TMEM181: variants seen among roughly 807,000 people sequenced by gnomAD.
TMEM181 encodes transmembrane protein 181.
TMEM181 carries 39 observed loss-of-function variants against 71.9 expected under a neutral mutation model. That is an observed-to-expected ratio of 0.54 (90% CI 0.42 to 0.71). The LOEUF (loss-of-function observed/expected upper bound fraction) is 0.71, where lower values mean the gene tolerates loss of function less well. Among genes scored for constraint, TMEM181 ranks in the 30% least tolerant of loss-of-function variants. The pLI is 0.00. For missense variants in TMEM181, 595 were observed against 583.0 expected (o/e 1.02, Z -0.21); for synonymous variants, 245 against 228.8 (o/e 1.07, Z -0.64).
chr6:158,547,747 C>T (rs1044493201), intron 1 of TMEM181, among the ~76,000 whole-genome samples: 3 of 152,018 alleles, frequency 2.0e-5, no homozygotes, highest in East Asian at 1.9e-4. Flanking sequence ...ATCCACCTCC[C>T]GTCTCCCACC....
intron 10 of TMEM181, among the ~76,000 whole-genome samples, chr6:158,613,785 T>TA (rs1275647731): frequency 2.6e-5 from 4 of 152,218 alleles, no homozygotes; most frequent in African/African-American, 9.7e-5. Context: ...TAAGAATACT[T>TA]ATAACTAGTT....
At chr6:158,622,949 T>C (rs1050254214) in intron 10 of TMEM181, among the ~76,000 whole-genome samples, 2 of 152,206 alleles carry the variant, frequency 1.3e-5, no homozygotes, top group African/African-American at 4.8e-5. Context: ...TTTTGTCCTG[T>C]AAAATGGCCC....
At chr6:158,563,666 C>G (rs1239372152) in intron 1 of TMEM181, among the ~76,000 whole-genome samples, 2 of 152,238 alleles carry the variant, frequency 1.3e-5, no homozygotes, top group African/African-American at 4.8e-5. Context: ...CTGAACTGAC[C>G]AACATGCTCC....
Position 158,587,962 on chromosome 6 carries a change from C to T in TMEM181, c.382-1710C>T, listed in dbSNP as rs112900776. Among the ~76,000 whole-genome samples the T allele has an allele frequency of 2.3e-3, 357 of 152,302 alleles. 3 individuals carry two copies. Among genetic ancestry groups the T allele is most frequent in the African/African-American group, 7.9e-3 (327 of 41,568 alleles). On this transcript the variant is annotated intron_variant, in intron 5 of 16. Transcript: ENST00000684151. ...TTTAAGCCATCCCTTCCTGTATAGT[C>T]CTTAGCCACCCCTGCCTTTGCGCAT...
chr6:158,541,591 C>T (rs1280451409), intron 1 of TMEM181, among the ~76,000 whole-genome samples: 1 of 152,178 alleles, frequency 6.6e-6, no homozygotes, highest in Non-Finnish European at 1.5e-5. Context: ...GCTGTCAGCT[C>T]ACCTTGGCTC....
chr6:158,560,604 G>C (rs1417867655), intron 1 of TMEM181, among the ~76,000 whole-genome samples: 1 of 152,056 alleles, frequency 6.6e-6, no homozygotes, highest in Non-Finnish European at 1.5e-5. Flanking sequence ...CGCCTCCCGG[G>C]CAGCCTCTCC....
At chr6:158,540,967 A>G (rs1162084161) in intron 1 of TMEM181, among the ~76,000 whole-genome samples, 2 of 152,200 alleles carry the variant, frequency 1.3e-5, no homozygotes, top group Non-Finnish European at 2.9e-5. Context: ...ACGAGGTCTC[A>G]CTATGTTGCC....
rs1786465616 is a variant in TMEM181, at chr6:158,628,437, CGCAAGTACT to C, written c.1140_1148del (p.Val382_Gln384del). The C allele has an allele frequency of 6.2e-7, 1 of 1,614,068 alleles. No homozygotes were observed. The highest frequency in any genetic ancestry group is 1.3e-5 in the African/African-American group (1 of 74,936). Reference sequence around the variant, plus strand: ...GCCATCCTTTATTTGAGATTTGGGGCGCAAGTACTACAAGACAATTTTGTAGCAGAGCTG... The same window carrying C: ...GCCATCCTTTATTTGAGATTTGGGGCACAAGACAATTTTGTAGCAGAGCTG... On this transcript the variant is annotated inframe_deletion, in exon 14 of 17. Transcript: ENST00000684151.
intron 10 of TMEM181, among the ~76,000 whole-genome samples, chr6:158,618,965 G>T (rs1785787028): frequency 1.3e-5 from 2 of 152,126 alleles, no homozygotes; most frequent in Admixed American, 6.5e-5. Flanking sequence ...ACAATTATGT[G>T]TCTTGGGGTT....
At chr6:158,623,838 G>A (rs1365534695) in intron 11 of TMEM181, among the ~76,000 whole-genome samples, 1 of 151,490 alleles carries the variant, frequency 6.6e-6, no homozygotes, top group Non-Finnish European at 1.5e-5. Flanking sequence ...TCAGCTTACT[G>A]CAGCCTCCGC....
In TMEM181 at chr6:158,596,023, G is replaced by A. The variant is rs1784371529; in HGVS notation, c.492+6241G>A. Among the ~76,000 whole-genome samples the A allele has an allele frequency of 2.0e-5, 3 of 152,254 alleles. No individual in the cohort carries two copies. The South Asian group carries it at 6.2e-4, about 32-fold the overall frequency. Reference sequence around the variant, plus strand: ...TGCAAGCTCCGCCTCCTGGGTTCATGCCATCCTCCTGCCTCAGCCTCCCGA... The same window carrying A: ...TGCAAGCTCCGCCTCCTGGGTTCATACCATCCTCCTGCCTCAGCCTCCCGA... On this transcript the variant is annotated intron_variant, in intron 6 of 16. Transcript: ENST00000684151.
At chr6:158,550,101 A>T (rs1365730515) in intron 1 of TMEM181, among the ~76,000 whole-genome samples, 1 of 151,630 alleles carries the variant, frequency 6.6e-6, no homozygotes, top group African/African-American at 2.4e-5. Context: ...GCTTGGATGG[A>T]CCTGTCTTGG....
intron 14 of TMEM181, 38 bp downstream of exon 14, chr6:158,628,528 C>T: frequency 1.3e-6 from 2 of 1,586,222 alleles, no homozygotes; most frequent in Middle Eastern, 1.7e-4. Context: ...TGCAGGACGC[C>T]TGCTTAGCAT....
intron 13 of TMEM181, 136 bp from the exon 14 acceptor site, chr6:158,628,260 GTGCATCTGTGCA>G (rs1562316624): frequency 4.0e-6 from 3 of 741,470 alleles, no homozygotes; most frequent in Non-Finnish European, 7.2e-6. Context: ...GCATCTGTGC[GTGCATCTGTGCA>G]TGTGTGTGGA....
intron 6 of TMEM181, among the ~76,000 whole-genome samples, chr6:158,604,266 C>T (rs376934954): frequency 3.7e-4 from 56 of 152,350 alleles, no homozygotes; most frequent in South Asian, 6.2e-4. Flanking sequence ...TCCCATCAGT[C>T]AGAGGTTACT....
intron 10 of TMEM181, chr6:158,611,240 G>A (rs1303393006): frequency 2.0e-6 from 1 of 498,944 alleles, no homozygotes; most frequent in African/African-American, 2.0e-5. Flanking sequence ...AGGGGTGACT[G>A]TGACACTCCT....
At chr6:158,570,349 C>T (rs538116043) in intron 1 of TMEM181, among the ~76,000 whole-genome samples, 1 of 151,566 alleles carries the variant, frequency 6.6e-6, no homozygotes, top group South Asian at 2.1e-4. Flanking sequence ...TCTCCTGCCT[C>T]GGCCTCCCGA....
chr6:158,626,056 G>A (rs540209439), intron 13 of TMEM181, among the ~76,000 whole-genome samples: 2 of 152,336 alleles, frequency 1.3e-5, no homozygotes, highest in African/African-American at 2.4e-5. Flanking sequence ...CCAGCTGGAA[G>A]TAAGGGCACT....
intron 5 of TMEM181, among the ~76,000 whole-genome samples, chr6:158,586,185 G>A (rs997775929): frequency 4.6e-5 from 7 of 152,152 alleles, no homozygotes; most frequent in Non-Finnish European, 7.4e-5. Flanking sequence ...GAGCCCTCAC[G>A]CTTGATTTCA....
Sources: allele counts gnomAD v4.1 joint callset (sites outside exome capture counted in the v4.1 genomes callset), GRCh38; gene constraint gnomAD v4.1.1; transcripts MANE v1.5; gene names NCBI Gene and HGNC (gene_info 2026-07-23, HGNC 2026-07-21).